Variants in CLYBL observed in about 807,000 individuals in gnomAD.
CLYBL encodes citramalyl-CoA lyase, mitochondrial.
In CLYBL, 31 loss-of-function variants were observed where a neutral mutation model predicts 38.9. The observed-to-expected ratio is 0.80, with a 90% CI of 0.60 to 1.08. The LOEUF (loss-of-function observed/expected upper bound fraction) is 1.08, where lower values mean the gene tolerates loss of function less well. Ranked by LOEUF, CLYBL falls within the 50% of genes least tolerant of loss-of-function variation. The pLI is 0.00. For synonymous variants in CLYBL, 171 were observed against 158.6 expected (o/e 1.08, Z -0.59); for missense variants, 434 against 411.6 (o/e 1.05, Z -0.47).
chr13:99,821,427 AT>A (rs1399167871), intron 2 of CLYBL, among the ~76,000 whole-genome samples: 1 of 152,166 alleles, frequency 6.6e-6, no homozygotes, highest in Non-Finnish European at 1.5e-5. Flanking sequence ...TTTATCAAAA[AT>A]TGCTCCTGTT....
chr13:99,670,341 C>A (rs1226790654), intron 1 of CLYBL, among the ~76,000 whole-genome samples: 1 of 152,124 alleles, frequency 6.6e-6, no homozygotes, highest in African/African-American at 2.4e-5. Flanking sequence ...GCGGTCCAGC[C>A]TGAGCAAAGT....
At chr13:99,682,024 A>G (rs2047742382) in intron 1 of CLYBL, among the ~76,000 whole-genome samples, 1 of 152,216 alleles carries the variant, frequency 6.6e-6, no homozygotes, top group Non-Finnish European at 1.5e-5. Context: ...CCTAGATGTT[A>G]CAACCTACCG....
chr13:99,852,649 C>G (rs929945429), intron 2 of CLYBL, among the ~76,000 whole-genome samples: 7 of 152,072 alleles, frequency 4.6e-5, no homozygotes, highest in African/African-American at 1.7e-4. Flanking sequence ...CAAATATATA[C>G]AAATGTAAAG....
At chr13:99,653,293 T>A (rs1409941982) in intron 1 of CLYBL, among the ~76,000 whole-genome samples, 10 of 151,936 alleles carry the variant, frequency 6.6e-5, no homozygotes. Context: ...TACTATTTTT[T>A]AAAGAGCAGG....
In CLYBL at chr13:99,858,917, T is replaced by C. The variant is rs769094038; in HGVS notation, c.306T>C (p.Thr102=). The C allele has an allele frequency of 9.9e-6, 16 of 1,613,866 alleles. No homozygotes were observed. Among genetic ancestry groups the C allele is most frequent in the Non-Finnish European group, 1.4e-5 (16 of 1,179,910 alleles). Residue 102 remains threonine (T), a synonymous_variant, in exon 3 of 9, where the codon ACT becomes ACC. Transcript: ENST00000339105. ...KTLEDIDLGP[T]EKCVRVNSVS... ...TTGAAGACATTGATCTGGGCCCTAC[T>C]GAAAAATGTGTGAGAGTCAACTCAG...
chr13:99,684,950 A>G (rs1490232689), intron 1 of CLYBL, among the ~76,000 whole-genome samples: 1 of 152,250 alleles, frequency 6.6e-6, no homozygotes, highest in Non-Finnish European at 1.5e-5. Flanking sequence ...CAATTGTTTG[A>G]TAAAATCTGA....
chr13:99,771,109 T>C (rs2049385411), intron 1 of CLYBL, among the ~76,000 whole-genome samples: 1 of 148,902 alleles, frequency 6.7e-6, no homozygotes, highest in African/African-American at 2.5e-5. Context: ...TCACAGCTCA[T>C]TGCAACCTCA....
chr13:99,859,055 T>A lies in CLYBL; in HGVS notation c.438+6T>A. On this transcript the variant is annotated splice_donor_region_variant and intron_variant, in intron 3 of 8. Transcript: ENST00000339105. Reference sequence around the variant, plus strand: ...GTCCTGAAGAAATCCAGTGGGTGAGTAGCTAATGCTTTGCCTTAAGACTCA... The same window carrying A: ...GTCCTGAAGAAATCCAGTGGGTGAGAAGCTAATGCTTTGCCTTAAGACTCA... 6.2e-7 allele frequency: 1 copy of A among 1,608,568 alleles called. No individual in the cohort carries two copies. The highest frequency in any genetic ancestry group is 8.5e-7 in the Non-Finnish European group (1 of 1,177,662).
At chr13:99,725,724 C>T (rs1010418339) in intron 1 of CLYBL, among the ~76,000 whole-genome samples, 15 of 152,114 alleles carry the variant, frequency 9.9e-5, no homozygotes, top group African/African-American at 3.4e-4. Flanking sequence ...GTTCGGTATC[C>T]GTACATTTCC....
At chr13:99,817,580 G>A (rs934265457) in intron 2 of CLYBL, among the ~76,000 whole-genome samples, 4 of 150,620 alleles carry the variant, frequency 2.7e-5, no homozygotes, top group African/African-American at 7.3e-5. Flanking sequence ...GCGTGAACCC[G>A]GGAGGCAGAG....
At chr13:99,645,110 G>A (rs558693561) in intron 1 of CLYBL, among the ~76,000 whole-genome samples, 3 of 152,238 alleles carry the variant, frequency 2.0e-5, no homozygotes, top group South Asian at 2.1e-4. Flanking sequence ...TCTCCATAGC[G>A]GTTGTACTAA....
intron 1 of CLYBL, among the ~76,000 whole-genome samples, chr13:99,757,966 G>T (rs1429747361): frequency 6.6e-6 from 1 of 152,204 alleles, no homozygotes; most frequent in Non-Finnish European, 1.5e-5. Context: ...ATTCTCTGAT[G>T]AAGAAGGACT....
At chr13:99,885,242 C>G (rs1273883315) in intron 7 of CLYBL, 1 of 373,086 alleles carries the variant, frequency 2.7e-6, no homozygotes, top group Non-Finnish European at 5.3e-6. Context: ...GGGATTTGCT[C>G]TACCAAGGAG....
At chr13:99,738,305 A>G (rs2048698825) in intron 1 of CLYBL, among the ~76,000 whole-genome samples, 1 of 152,144 alleles carries the variant, frequency 6.6e-6, no homozygotes, top group Non-Finnish European at 1.5e-5. Flanking sequence ...ATCAGAACAT[A>G]TCTTTGGTTC....
downstream of CLYBL, among the ~76,000 whole-genome samples, chr13:99,898,435 C>A (rs1024060867): frequency 6.6e-6 from 1 of 152,220 alleles, no homozygotes; most frequent in Non-Finnish European, 1.5e-5. Flanking sequence ...CTTCGATTTT[C>A]TGGGAGAACT....
chr13:99,909,200 G>C (rs1048826374), exon 10 of CLYBL, among the ~76,000 whole-genome samples: 1 of 152,216 alleles, frequency 6.6e-6, no homozygotes, highest in Non-Finnish European at 1.5e-5. Context: ...AGGCTGCACT[G>C]TGTCATTTAA....
chr13:99,619,987 A>C (rs534117988), intron 1 of CLYBL, among the ~76,000 whole-genome samples: 23 of 152,228 alleles, frequency 1.5e-4, no homozygotes, highest in Middle Eastern at 3.4e-3. Context: ...CCTTCTCCTG[A>C]CATTAAGGGA....
At chr13:99,827,562 C>T (rs1456608066) in intron 2 of CLYBL, among the ~76,000 whole-genome samples, 1 of 152,198 alleles carries the variant, frequency 6.6e-6, no homozygotes, top group Admixed American at 6.5e-5. Flanking sequence ...TGTCAGTAAT[C>T]AGCCCAGGGG....
chr13:99,782,247 C>T (rs2049673027), intron 2 of CLYBL, among the ~76,000 whole-genome samples: 1 of 152,118 alleles, frequency 6.6e-6, no homozygotes, highest in Non-Finnish European at 1.5e-5. Context: ...TGGCTCACAC[C>T]TGTAATGCCA....
Sources: allele counts gnomAD v4.1 joint callset (sites outside exome capture counted in the v4.1 genomes callset), GRCh38; gene constraint gnomAD v4.1.1; transcripts MANE v1.5; gene names NCBI Gene and HGNC (gene_info 2026-07-23, HGNC 2026-07-21).